Variants in LNX2 observed in about 807,000 individuals in gnomAD.
LNX2 encodes the protein ligand of Numb protein X 2.
A neutral mutation model predicts 66.2 loss-of-function variants in LNX2; 35 were observed. The observed-to-expected ratio is 0.53, with a 90% CI of 0.40 to 0.70. The LOEUF is 0.70. Ranked by LOEUF, LNX2 falls within the 30% of genes least tolerant of loss-of-function variation. The pLI, the probability that LNX2 is intolerant of heterozygous loss-of-function variation, is 0.00. For synonymous variants in LNX2, 337 were observed against 315.6 expected (o/e 1.07, Z -0.72); for missense variants, 791 against 850.8 (o/e 0.93, Z 0.87).
At chr13:27,616,431 G>A (rs1328356084) in intron 1 of LNX2, among the ~76,000 whole-genome samples, 3 of 152,108 alleles carry the variant, frequency 2.0e-5, no homozygotes, top group Non-Finnish European at 4.4e-5. Flanking sequence ...ATGTCAGAGA[G>A]GTATAACAAG....
At chr13:27,565,423 C>G (rs1250502294) in intron 4 of LNX2, among the ~76,000 whole-genome samples, 1 of 152,208 alleles carries the variant, frequency 6.6e-6, no homozygotes, top group East Asian at 1.9e-4. Flanking sequence ...AAAGGACTAT[C>G]TGCCCTTCCT....
At chr13:27,552,598 C>G (rs956488564) in intron 8 of LNX2, among the ~76,000 whole-genome samples, 1 of 152,110 alleles carries the variant, frequency 6.6e-6, no homozygotes, top group Admixed American at 6.5e-5. Flanking sequence ...ACAACAACCG[C>G]GGAAAGGAAT....
intron 1 of LNX2, among the ~76,000 whole-genome samples, chr13:27,583,346 C>T (rs1282051966): frequency 6.6e-6 from 1 of 151,526 alleles, no homozygotes; most frequent in African/African-American, 2.4e-5. Flanking sequence ...CGACCTCTGC[C>T]TCCCAGGTTC....
At chr13:27,603,262 C>G (rs548972590) in intron 1 of LNX2, among the ~76,000 whole-genome samples, 1 of 152,274 alleles carries the variant, frequency 6.6e-6, no homozygotes, top group East Asian at 1.9e-4. Context: ...TCTTTAAAAT[C>G]TAATTCTCAT....
At chr13:27,574,393 C>T (rs1466310722) in intron 2 of LNX2, among the ~76,000 whole-genome samples, 1 of 152,034 alleles carries the variant, frequency 6.6e-6, no homozygotes, top group Non-Finnish European at 1.5e-5. Flanking sequence ...GCCTGGGGAA[C>T]AAGAGCAAAA....
At chr13:27,550,530 G>A (rs1309616747) in intron 8 of LNX2, 39 bp from the exon 9 acceptor site, 1 of 1,545,486 alleles carries the variant, frequency 6.5e-7, no homozygotes. Flanking sequence ...AATTAACATG[G>A]AGGCTTTTAT....
At chr13:27,592,535 C>A (rs902471805) in intron 1 of LNX2, among the ~76,000 whole-genome samples, 2 of 152,138 alleles carry the variant, frequency 1.3e-5, no homozygotes, top group Admixed American at 1.3e-4. Context: ...TAGACAGTTG[C>A]ACACACAAGT....
chr13:27,552,160 A>G (rs2072911504), intron 8 of LNX2, among the ~76,000 whole-genome samples: 1 of 152,218 alleles, frequency 6.6e-6, no homozygotes, highest in Non-Finnish European at 1.5e-5. Flanking sequence ...AAAGAGGTCA[A>G]TGTGCCAACC....
intron 1 of LNX2, among the ~76,000 whole-genome samples, chr13:27,604,635 C>T (rs1177241813): frequency 1.3e-5 from 2 of 151,882 alleles, no homozygotes; most frequent in South Asian, 2.1e-4. Flanking sequence ...AGATTTCCTA[C>T]GAATATCTAT....
intron 1 of LNX2, among the ~76,000 whole-genome samples, chr13:27,590,025 C>CT (rs1001098377): frequency 2.0e-5 from 3 of 152,202 alleles, no homozygotes; most frequent in African/African-American, 7.2e-5. Context: ...TCTCGGCTCA[C>CT]TGCAAGCTCC....
At chr13:27,596,080 A>C (rs1046489918) in intron 1 of LNX2, among the ~76,000 whole-genome samples, 2 of 152,206 alleles carry the variant, frequency 1.3e-5, no homozygotes, top group African/African-American at 4.8e-5. Flanking sequence ...TGAACAATAC[A>C]GGCTTGAACT....
chr13:27,592,263 G>A (rs900401586), intron 1 of LNX2, among the ~76,000 whole-genome samples: 5 of 152,312 alleles, frequency 3.3e-5, no homozygotes, highest in Admixed American at 3.3e-4. Context: ...ACATAGTTGA[G>A]ATAGAGAGAA....
At chr13:27,596,737 A>G (rs768621890) in intron 1 of LNX2, among the ~76,000 whole-genome samples, 1 of 152,230 alleles carries the variant, frequency 6.6e-6, no homozygotes, top group Non-Finnish European at 1.5e-5. Flanking sequence ...TTATGAAAAT[A>G]TACCTTTGTC....
chr13:27,596,933 T>C (rs1364087898), intron 1 of LNX2, among the ~76,000 whole-genome samples: 3 of 152,338 alleles, frequency 2.0e-5, no homozygotes, highest in Admixed American at 6.5e-5. Flanking sequence ...AAGTGTCTAA[T>C]AGAGAGTGCT....
In LNX2 at chr13:27,594,862, T is replaced by A. The variant is rs564286481; in HGVS notation, c.-100-13059A>T. On this transcript the variant is annotated intron_variant, in intron 1 of 9. Coordinates refer to ENST00000316334, the MANE Select transcript of LNX2 (RefSeq NM_153371.4). ...CTTTCTTCCATTCCCACCACCTCTC[T>A]CAGTTATTTGTTGCACCTACTCTTT... Among the ~76,000 whole-genome samples the A allele has an allele frequency of 5.3e-5, 8 of 152,194 alleles. 1 individual carries two copies. Among genetic ancestry groups the A allele is most frequent in the Admixed American group, 3.3e-4 (5 of 15,272 alleles).
intron 1 of LNX2, among the ~76,000 whole-genome samples, chr13:27,594,546 TATA>T (rs1955576781): frequency 1.3e-5 from 2 of 152,312 alleles, no homozygotes; most frequent in South Asian, 4.1e-4. Context: ...AGTTCATTTG[TATA>T]ATAAAATTTT....
At chr13:27,574,946 A>C (rs528707524) in intron 2 of LNX2, among the ~76,000 whole-genome samples, 6 of 152,318 alleles carry the variant, frequency 3.9e-5, no homozygotes, top group African/African-American at 1.4e-4. Context: ...GAAGGGGAGA[A>C]AACTCTCAAC....
chr13:27,574,207 C>T lies in LNX2; in HGVS notation c.408-4931G>A, dbSNP rs147531515. 4.1e-3 allele frequency among the ~76,000 whole-genome samples: 628 copies of T among 152,212 alleles called. 1 individual carries two copies. Among genetic ancestry groups the T allele is most frequent in the Non-Finnish European group, 5.7e-3 (387 of 67,994 alleles). On this transcript the variant is annotated intron_variant, in intron 2 of 9. Transcript: ENST00000316334. ...GTGCTTTAATCCCAGCACTTTGGGA[C>T]GCCAAGGCGGGTGGATCACTTGGGG...
rs1385432287 is a variant in LNX2 at position 27,546,670 on chromosome 13, T to C, written c.*1665A>G. 6.6e-6 allele frequency: 1 copy of C among 152,230 alleles called. No individual in the cohort carries two copies. Among genetic ancestry groups the C allele is most frequent in the Non-Finnish European group, 1.5e-5 (1 of 68,032 alleles). 9.4% of individuals were successfully genotyped at this position (152,230 alleles called of 1,614,324 possible). The stretch of plus-strand genomic sequence containing the variant: ...GCTAAGTTTCAAAATAAAGTGGTCA[T>C]GCTTCATAATATATTGTACTGTAGT... On this transcript the variant is annotated 3_prime_UTR_variant, in exon 10 of 10. Coordinates refer to ENST00000316334, the MANE Select transcript of LNX2 (RefSeq NM_153371.4).
Sources: allele counts gnomAD v4.1 joint callset (sites outside exome capture counted in the v4.1 genomes callset), GRCh38; gene constraint gnomAD v4.1.1; transcripts MANE v1.5; gene names NCBI Gene and HGNC (gene_info 2026-07-23, HGNC 2026-07-21).